The following SFSWAP variants were observed in gnomAD, a reference collection of about 807,000 sequenced individuals.
SFSWAP encodes the protein splicing factor SWAP.
In SFSWAP, 17 loss-of-function variants were observed where a neutral mutation model predicts 100.7. That is an observed-to-expected ratio of 0.17 (90% confidence interval 0.12 to 0.25). The LOEUF (loss-of-function observed/expected upper bound fraction) is 0.25, where lower values mean the gene tolerates loss of function less well. SFSWAP is among the 10% of genes least tolerant of loss of function. The pLI is 1.00. For synonymous variants in SFSWAP, 504 were observed against 510.1 expected (o/e 0.99, Z 0.16); for missense variants, 1,005 against 1,262.6 (o/e 0.80, Z 3.09).
chr12:131,740,289 C>T (rs949635342), intron 7 of SFSWAP, among the ~76,000 whole-genome samples: 2 of 152,126 alleles, frequency 1.3e-5, no homozygotes, highest in African/African-American at 2.4e-5. Flanking sequence ...AACGATGCAC[C>T]GAGTCGCTTG....
rs1461160771 is a variant in SFSWAP at position 131,755,420 on chromosome 12, G to A, written c.1489G>A (p.Ala497Thr). ...CCTGCAGCCGTGGCACCAGTATAAT[G>A]CTTATTATGAGTTTAAGAAGCAGTT... The part of the protein sequence containing the change: ...EFLQPWHQYN[A>T]YYEFKKQFFL... Residue 497 changes from alanine (A) to threonine (T), a missense_variant, in exon 10 of 18, where the codon GCT becomes ACT. Transcript: ENST00000261674. 1 of 1,613,984 alleles carries A rather than the reference G, an allele frequency of 6.2e-7. No homozygotes were observed. Among genetic ancestry groups the A allele is most frequent in the Admixed American group, 1.7e-5 (1 of 60,022 alleles).
chr12:131,728,020 C>G (rs1879145657), intron 6 of SFSWAP, among the ~76,000 whole-genome samples: 1 of 152,204 alleles, frequency 6.6e-6, no homozygotes, highest in African/African-American at 2.4e-5. Flanking sequence ...GTTAGACATT[C>G]ACACTTTAAT....
intron 7 of SFSWAP, 120 bp downstream of exon 7, chr12:131,728,548 C>T: frequency 9.1e-7 from 1 of 1,099,072 alleles, no homozygotes; most frequent in Non-Finnish European, 1.3e-6. Context: ...AGCAGGCGGC[C>T]CAGAGCCTGC....
intron 9 of SFSWAP, among the ~76,000 whole-genome samples, 179 bp from the exon 10 acceptor site, chr12:131,755,207 C>A (rs1046042387): frequency 2.6e-5 from 4 of 152,118 alleles, no homozygotes; most frequent in African/African-American, 9.7e-5. Context: ...CTGTGTAACC[C>A]CGGGCAAGCG....
At chr12:131,775,008 C>A (rs1219955212) in intron 13 of SFSWAP, among the ~76,000 whole-genome samples, 1 of 152,162 alleles carries the variant, frequency 6.6e-6, no homozygotes, top group Non-Finnish European at 1.5e-5. Flanking sequence ...ACTCCTCGCA[C>A]TCCTGTTTGT....
In SFSWAP at chr12:131,727,053, GT is replaced by G. The variant is rs779426528; in HGVS notation, c.945+6del. ...TAACCGCCTTGAAGAGCTGATGAAG[GT>G]TTTTATCTCATTGTTGAACTATATT... On this transcript the variant is annotated splice_donor_variant, in intron 6 of 17. Transcript: ENST00000261674. LOFTEE classifies it high-confidence loss of function. 3.3e-6 allele frequency: 5 copies of G among 1,532,074 alleles called. No individual in the cohort carries two copies. The highest frequency in any genetic ancestry group is 1.4e-5 in the African/African-American group (1 of 72,896). 94.9% of individuals were successfully genotyped at this position (1,532,074 alleles called of 1,614,324 possible).
At position 131,797,259 on chromosome 12, in the gene SFSWAP, C is replaced by T. The variant is rs1885745049; in HGVS notation, c.2616C>T (p.Ser872=). The T allele has an allele frequency of 6.2e-7, 1 of 1,612,626 alleles. No homozygotes were observed. Among genetic ancestry groups the T allele is most frequent in the Admixed American group, 1.7e-5 (1 of 60,008 alleles). ...CCAGGTCTCAGTCGGTGTCACCCAG[C>T]AAGCAGGCAGCGCCCCGGCCCGCGG... ...SKARSQSVSP[S]KQAAPRPAAP... Residue 872 remains serine, a synonymous_variant, in exon 16 of 18, where the codon AGC becomes AGT. Transcript: ENST00000261674.
chr12:131,713,675 G>T (rs1877608323), intron 1 of SFSWAP: 1 of 153,784 alleles, frequency 6.5e-6, no homozygotes, highest in African/African-American at 2.4e-5. Flanking sequence ...TTTGGTTTGT[G>T]TGAATGTAAG....
At chr12:131,712,202 T>C (rs1184902618) in intron 1 of SFSWAP, 2 of 152,232 alleles carry the variant, frequency 1.3e-5, no homozygotes, top group Non-Finnish European at 2.9e-5. Context: ...ATGTGTTGTT[T>C]CTTTTCAAAT....
At chr12:131,756,295 T>TAC (rs1882150949) in intron 10 of SFSWAP, among the ~76,000 whole-genome samples, 178 bp from the exon 11 acceptor site, 1 of 152,260 alleles carries the variant, frequency 6.6e-6, no homozygotes, top group Non-Finnish European at 1.5e-5. Flanking sequence ...TCCTCTTTGA[T>TAC]ACATTCCATT....
At chr12:131,783,836 A>G (rs1443383258) in intron 14 of SFSWAP, 5 of 140,614 alleles carry the variant, frequency 3.6e-5, no homozygotes, top group Non-Finnish European at 7.7e-5. Context: ...CTTTGTAGAA[A>G]TTAGCTCCCT....
At chr12:131,756,079 T>G (rs1304938233) in intron 10 of SFSWAP, among the ~76,000 whole-genome samples, 2 of 152,254 alleles carry the variant, frequency 1.3e-5, no homozygotes, top group Non-Finnish European at 2.9e-5. Flanking sequence ...TGGGCCTTAC[T>G]TCTCAGGAGA....
Position 131,799,178 on chromosome 12 carries a change from A to G in SFSWAP, c.2790+69A>G, listed in dbSNP as rs1885892477. The G allele has an allele frequency of 6.2e-6, 8 of 1,294,796 alleles. No individual in the cohort carries two copies. The East Asian group carries it at 1.6e-4, about 26-fold the overall frequency. The allele number at this position is 1,294,796 out of a possible 1,614,324, so 80.2% of individuals were successfully genotyped here. A position where few individuals can be genotyped will look rare whatever the true frequency, so the allele number is the denominator to read the frequency against. The stretch of plus-strand genomic sequence containing the variant: ...GGGCCTCGTGGTTTCTCTGTTGCTA[A>G]TTTTCATTCCCTGTCCCTCCTGTCC... On this transcript the variant is annotated intron_variant, in intron 17 of 17. Coordinates refer to ENST00000261674, the MANE Select transcript of SFSWAP (RefSeq NM_004592.4).
intron 10 of SFSWAP, 64 bp downstream of exon 10, chr12:131,755,543 A>T: frequency 8.4e-7 from 1 of 1,189,198 alleles, no homozygotes; most frequent in Non-Finnish European, 1.2e-6. Flanking sequence ...CCAGATCAGA[A>T]GTCGCTTTCT....
chr12:131,780,206 C>G (rs1438500990), intron 14 of SFSWAP, among the ~76,000 whole-genome samples: 1 of 152,206 alleles, frequency 6.6e-6, no homozygotes, highest in Non-Finnish European at 1.5e-5. Flanking sequence ...TACATTTTTG[C>G]GAGTGTTTTA....
At position 131,799,656 on chromosome 12, in the gene SFSWAP, T is replaced by G. The variant is rs571929063; in HGVS notation, c.*168T>G. The G allele has an allele frequency of 1.7e-6, 1 of 602,698 alleles. No homozygotes were observed. Among genetic ancestry groups the G allele is most frequent in the African/African-American group, 1.9e-5 (1 of 53,818 alleles). 37.3% of individuals were successfully genotyped at this position (602,698 alleles called of 1,614,324 possible). On this transcript the variant is annotated 3_prime_UTR_variant, in exon 18 of 18. Transcript: ENST00000261674. ...TTAAGATTTCTGACCAGCAGTCTCT[T>G]ACCTGTATATTTGTAAATATATCAT...
Position 131,711,148 on chromosome 12 carries a change from A to G in SFSWAP, c.-82A>G. On this transcript the variant is annotated 5_prime_UTR_variant, in exon 1 of 18. The change abolishes the stop of an existing upstream ORF in the 5' untranslated region. Coordinates refer to ENST00000261674, the MANE Select transcript of SFSWAP (RefSeq NM_004592.4). The surrounding 1 kb of genome is among the most constrained non-coding windows in gnomAD (Gnocchi z 4.9). Reference sequence around the variant, plus strand: ...TTGGGTACGGGATGCGGGGTCTTTGACTGAAGGGGTAGGCCAAGTGGAGGT... The same window carrying G: ...TTGGGTACGGGATGCGGGGTCTTTGGCTGAAGGGGTAGGCCAAGTGGAGGT... 8.6e-7 allele frequency: 1 copy of G among 1,168,430 alleles called. No individual in the cohort carries two copies. The highest frequency in any genetic ancestry group is 1.2e-6 in the Non-Finnish European group (1 of 846,626). 72.4% of individuals were successfully genotyped at this position (1,168,430 alleles called of 1,614,324 possible).
intron 7 of SFSWAP, among the ~76,000 whole-genome samples, chr12:131,741,540 G>C (rs1880630691): frequency 6.6e-6 from 1 of 151,934 alleles, no homozygotes; most frequent in Non-Finnish European, 1.5e-5. Context: ...GGGAGAGTGA[G>C]GTGTGGGGGT....
chr12:131,755,529 C>T, intron 10 of SFSWAP, 50 bp downstream of exon 10: 1 of 1,313,512 alleles, frequency 7.6e-7, no homozygotes, highest in Non-Finnish European at 1.1e-6. Context: ...GGTGGCTCCG[C>T]CTTCCAGATC....
Sources: allele counts gnomAD v4.1 joint callset (sites outside exome capture counted in the v4.1 genomes callset), GRCh38; gene constraint gnomAD v4.1.1; non-coding constraint Gnocchi (gnomAD v3.1); transcripts MANE v1.5; gene names NCBI Gene and HGNC (gene_info 2026-07-23, HGNC 2026-07-21).